Variants in NOL4 observed in about 807,000 individuals in gnomAD.
NOL4 encodes cancer/testis antigen 125.
NOL4 carries 17 observed loss-of-function variants against 75.9 expected under a neutral mutation model. That is an observed-to-expected ratio of 0.22 (90% CI 0.15 to 0.34). The LOEUF is 0.34. Among genes scored for constraint, NOL4 ranks in the 10% least tolerant of loss-of-function variants. The probability of loss-of-function intolerance (pLI) is 1.00; values close to 1 mark genes in which losing one functional copy is unlikely to be tolerated. For synonymous variants in NOL4, 292 were observed against 289.9 expected (o/e 1.01, Z -0.07); for missense variants, 614 against 793.5 (o/e 0.77, Z 2.72).
intron 10 of NOL4, among the ~76,000 whole-genome samples, chr18:33,860,742 C>T (rs1198042152): frequency 1.3e-5 from 2 of 151,662 alleles, no homozygotes; most frequent in Admixed American, 6.6e-5. Context: ...CCAGTTTTTG[C>T]CCATTCAGTA....
Position 33,957,365 on chromosome 18 carries a change from G to C in NOL4, c.1389C>G (p.Leu463=). Residue 463 remains leucine (L), a synonymous_variant, in exon 8 of 11, where the codon CTC becomes CTG. Coordinates refer to ENST00000261592, the MANE Select transcript of NOL4 (RefSeq NM_003787.5). The stretch of plus-strand genomic sequence containing the variant: ...TTCTTTTCATCCGCCTGCAGGACTT[G>C]AGGTAAGTACGTATACGTTTTCTGG... ...ERARKRIRTY[L]KSCRRMKRSG... 5 of 1,613,510 alleles carry C rather than the reference G, an allele frequency of 3.1e-6. No homozygotes were observed. The highest frequency in any genetic ancestry group is 4.2e-6 in the Non-Finnish European group (5 of 1,179,666).
intron 5 of NOL4, among the ~76,000 whole-genome samples, chr18:34,050,272 C>T (rs1038304415): frequency 2.7e-5 from 4 of 146,342 alleles, no homozygotes; most frequent in Non-Finnish European, 6.1e-5. Flanking sequence ...TAGTAAAGGG[C>T]TTTCATTTTT....
At chr18:34,108,408 G>T (rs2079416905) in intron 2 of NOL4, among the ~76,000 whole-genome samples, 1 of 150,658 alleles carries the variant, frequency 6.6e-6, no homozygotes, top group African/African-American at 2.4e-5. Context: ...GTGGCTAAAT[G>T]AATTTAAAAA....
chr18:34,182,692 T>C (rs1418724617), intron 1 of NOL4, among the ~76,000 whole-genome samples: 1 of 151,682 alleles, frequency 6.6e-6, no homozygotes, highest in Admixed American at 6.6e-5. Flanking sequence ...GTGAATATCT[T>C]TGGGTAGTGA....
chr18:33,874,997 T>C (rs2063866349), intron 10 of NOL4, among the ~76,000 whole-genome samples: 1 of 152,016 alleles, frequency 6.6e-6, no homozygotes, highest in Non-Finnish European at 1.5e-5. Flanking sequence ...ATGTTAGTGA[T>C]TATGGTCATT....
At chr18:33,999,145 T>A (rs1268654301) in intron 6 of NOL4, among the ~76,000 whole-genome samples, 3 of 145,756 alleles carry the variant, frequency 2.1e-5, no homozygotes, top group Non-Finnish European at 3.0e-5. Flanking sequence ...AATGCTGAGT[T>A]TTTTTTTTTT....
At chr18:33,975,032 T>C (rs939381489) in intron 6 of NOL4, among the ~76,000 whole-genome samples, 2 of 151,992 alleles carry the variant, frequency 1.3e-5, no homozygotes, top group African/African-American at 4.8e-5. Context: ...TGGATGAATC[T>C]TGAGTTCATT....
intron 1 of NOL4, among the ~76,000 whole-genome samples, chr18:34,141,749 A>T (rs1043060682): frequency 7.2e-5 from 11 of 152,210 alleles, no homozygotes; most frequent in Non-Finnish European, 1.2e-4. Context: ...AACCTAGGCA[A>T]TACCATTCAG....
chr18:34,093,380 A>G, intron 5 of NOL4, 85 bp downstream of exon 5: 1 of 1,324,732 alleles, frequency 7.5e-7, no homozygotes, highest in East Asian at 2.4e-5. Flanking sequence ...TTGACACAAG[A>G]ATTAAGAGGT....
At chr18:34,167,223 G>A (rs185617674) in intron 1 of NOL4, among the ~76,000 whole-genome samples, 60 of 151,900 alleles carry the variant, frequency 3.9e-4, no homozygotes, top group Admixed American at 1.4e-3. Flanking sequence ...TTTCTATCAG[G>A]GAATTGAGCA....
intron 1 of NOL4, among the ~76,000 whole-genome samples, chr18:34,165,550 G>T (rs1326059603): frequency 1.3e-5 from 2 of 152,098 alleles, no homozygotes; most frequent in Non-Finnish European, 2.9e-5. Context: ...CTTTATTTCT[G>T]TCAATGCACA....
chr18:34,071,434 G>GACAC (rs879681812), intron 5 of NOL4, among the ~76,000 whole-genome samples: 950 of 66,558 alleles, frequency 0.014, 7 homozygotes, highest in Admixed American at 0.027. Flanking sequence ...CAGACAGACA[G>GACAC]ACAGACACAC....
intron 1 of NOL4, among the ~76,000 whole-genome samples, chr18:34,181,681 A>T (rs2034050394): frequency 1.3e-5 from 2 of 151,558 alleles, no homozygotes; most frequent in African/African-American, 4.8e-5. Flanking sequence ...AGAAGGGTCT[A>T]ATTCTAGATT....
chr18:34,120,475 C>A (rs2080088089), intron 2 of NOL4, among the ~76,000 whole-genome samples: 1 of 152,116 alleles, frequency 6.6e-6, no homozygotes. Flanking sequence ...TGTTCTAAAG[C>A]AGAGGAATGC....
At chr18:34,048,165 T>C (rs951872795) in intron 5 of NOL4, among the ~76,000 whole-genome samples, 1 of 152,142 alleles carries the variant, frequency 6.6e-6, no homozygotes, top group African/African-American at 2.4e-5. Context: ...CAATCTAGGG[T>C]AAATAAATTA....
At chr18:34,041,300 C>T (rs557293829) in intron 5 of NOL4, among the ~76,000 whole-genome samples, 2 of 151,880 alleles carry the variant, frequency 1.3e-5, no homozygotes, top group South Asian at 2.1e-4. Flanking sequence ...GGGAACAATG[C>T]CTTGAGCAAT....
rs184788346 is a variant in NOL4 at position 33,970,398 on chromosome 18, A to G, written c.1057-11980T>C. 5.2e-3 allele frequency among the ~76,000 whole-genome samples: 797 copies of G among 152,148 alleles called. 3 individuals are homozygous for G. The highest frequency in any genetic ancestry group is 8.8e-3 in the Non-Finnish European group (598 of 67,976). On this transcript the variant is annotated intron_variant, in intron 6 of 10. Transcript: ENST00000261592. ...ATATGGTTGAAAAAATTGTTTATTA[A>G]TGTTTTGTTGAATCTTTGACATACT...
chr18:33,891,228 T>C (rs1168294272), intron 9 of NOL4, among the ~76,000 whole-genome samples: 3 of 152,186 alleles, frequency 2.0e-5, no homozygotes, highest in South Asian at 2.1e-4. Context: ...CTGTAAGTAG[T>C]TGATTTCAAG....
intron 9 of NOL4, among the ~76,000 whole-genome samples, chr18:33,928,268 G>T (rs1179865624): frequency 6.6e-6 from 1 of 152,082 alleles, no homozygotes; most frequent in East Asian, 1.9e-4. Flanking sequence ...AAATATTTCT[G>T]TCGTAATTTA....
Sources: gnomAD v4.1 joint callset for allele counts (sites outside exome capture counted in the v4.1 genomes callset) on GRCh38, gnomAD v4.1.1 for gene constraint, MANE v1.5 for transcripts, NCBI Gene and HGNC (gene_info 2026-07-23, HGNC 2026-07-21) for gene names.